CACNA1E: variants seen among roughly 807,000 people sequenced by gnomAD.
CACNA1E encodes the protein calcium voltage-gated channel subunit alpha1 E.
In CACNA1E, 40 loss-of-function variants were observed where a neutral mutation model predicts 259.2. The observed-to-expected ratio is 0.15, with a 90% CI of 0.12 to 0.20. The LOEUF is 0.20. Ranked by LOEUF, CACNA1E falls within the 10% of genes least tolerant of loss-of-function variation. The pLI is 1.00. For missense variants in CACNA1E, 1,874 were observed against 3,040.1 expected (o/e 0.62, Z 9.02); for synonymous variants, 1,104 against 1,138.5 (o/e 0.97, Z 0.61).
intron 5 of CACNA1E, among the ~76,000 whole-genome samples, 152 bp from the exon 6 acceptor site, chr1:181,580,443 A>G (rs537764186): frequency 6.6e-6 from 1 of 152,300 alleles, no homozygotes; most frequent in South Asian, 2.1e-4. Flanking sequence ...GGAGGTGCAG[A>G]GAGGCCAGGG....
At chr1:181,718,557 G>A (rs1383298471) in intron 12 of CACNA1E, among the ~76,000 whole-genome samples, 1 of 143,452 alleles carries the variant, frequency 7.0e-6, no homozygotes, top group African/African-American at 2.6e-5. Context: ...TTATATATTT[G>A]TTTTTCTACT....
chr1:181,544,477 G>T (rs1647244603), intron 3 of CACNA1E, among the ~76,000 whole-genome samples: 1 of 151,980 alleles, frequency 6.6e-6, no homozygotes, highest in Non-Finnish European at 1.5e-5. Context: ...CAATAAAGCT[G>T]CTATAAAAAT....
intron 1 of CACNA1E, among the ~76,000 whole-genome samples, chr1:181,364,200 C>T (rs1188857707): frequency 6.6e-6 from 1 of 152,228 alleles, no homozygotes; most frequent in Non-Finnish European, 1.5e-5. Context: ...TCAAAGCCTT[C>T]CCTGACTCTT....
At chr1:181,464,580 T>C (rs565638482) in intron 2 of CACNA1E, among the ~76,000 whole-genome samples, 46 of 151,934 alleles carry the variant, frequency 3.0e-4, no homozygotes, top group Admixed American at 1.9e-3. Flanking sequence ...TTTGTAGAAT[T>C]CTCTTACTAC....
intron 7 of CACNA1E, among the ~76,000 whole-genome samples, chr1:181,707,238 T>A (rs1379210428): frequency 4.6e-5 from 7 of 152,304 alleles, no homozygotes; most frequent in African/African-American, 1.7e-4. Context: ...CATCCTCCAT[T>A]AAGGTGCTGG....
intron 1 of CACNA1E, among the ~76,000 whole-genome samples, chr1:181,404,673 G>C (rs1261253313): frequency 6.6e-6 from 1 of 152,150 alleles, no homozygotes; most frequent in East Asian, 1.9e-4. Flanking sequence ...ATCAGCTCCT[G>C]AGTATCCAGA....
At chr1:181,444,406 G>A (rs1186287430) in intron 2 of CACNA1E, among the ~76,000 whole-genome samples, 1 of 152,050 alleles carries the variant, frequency 6.6e-6, no homozygotes, top group Non-Finnish European at 1.5e-5. Flanking sequence ...GAGGGTGTAA[G>A]GTACTGGAAC....
At chr1:181,436,018 G>C (rs961005134) in intron 2 of CACNA1E, among the ~76,000 whole-genome samples, 1 of 152,140 alleles carries the variant, frequency 6.6e-6, no homozygotes, top group African/African-American at 2.4e-5. Flanking sequence ...AACGACTTAA[G>C]AGCAAGAAAA....
intron 1 of CACNA1E, among the ~76,000 whole-genome samples, chr1:181,497,975 C>T (rs1033399295): frequency 6.6e-6 from 1 of 152,172 alleles, no homozygotes; most frequent in Non-Finnish European, 1.5e-5. Flanking sequence ...GTCTTTCCCC[C>T]GCCAAAACTC....
chr1:181,416,523 G>A (rs1369000802), intron 2 of CACNA1E, among the ~76,000 whole-genome samples: 1 of 152,082 alleles, frequency 6.6e-6, no homozygotes, highest in Non-Finnish European at 1.5e-5. Flanking sequence ...TACACTGTCT[G>A]GCACTCATGT....
intron 6 of CACNA1E, among the ~76,000 whole-genome samples, chr1:181,584,495 A>G (rs976836480): frequency 6.6e-6 from 1 of 152,218 alleles, no homozygotes; most frequent in Non-Finnish European, 1.5e-5. Flanking sequence ...TTTGGTCTAT[A>G]AACAATGACT....
chr1:181,489,805 A>T (rs1664157435), intron 1 of CACNA1E, among the ~76,000 whole-genome samples: 1 of 152,190 alleles, frequency 6.6e-6, no homozygotes, highest in African/African-American at 2.4e-5. Context: ...GGGACCAGGC[A>T]TGGAAATTAG....
Position 181,732,407 on chromosome 1 carries a change from A to G in CACNA1E, c.2321A>G (p.His774Arg). ...AGGAGGGAGCGGAGGCGCCGGCACC[A>G]CATGTCCGTGTGGGAGCAGCGTACC... is the stretch of plus-strand genomic sequence containing the variant. ...SHLRERRRRH[H>R]MSVWEQRTSQ... The change falls in exon 20 of 48, where the codon CAC becomes CGC. Residue 774 changes from histidine (H) to arginine (R), a missense_variant. His to Arg is a conservative substitution (Grantham distance 29). Transcript: ENST00000367573. This position sits in a 1 kb window ranked among gnomAD's most constrained non-coding sequence, Gnocchi z 5.5. 2 of 1,540,046 alleles carry G rather than the reference A, an allele frequency of 1.3e-6. No individual in the cohort carries two copies. The highest frequency in any genetic ancestry group is 1.8e-6 in the Non-Finnish European group (2 of 1,141,662).
chr1:181,666,165 T>C (rs575418836), intron 7 of CACNA1E, among the ~76,000 whole-genome samples: 14 of 152,326 alleles, frequency 9.2e-5, no homozygotes, highest in Admixed American at 3.9e-4. Flanking sequence ...TGCAGCCTGC[T>C]ATTCATGAGA....
At chr1:181,410,765 G>C (rs1232817378) in intron 1 of CACNA1E, among the ~76,000 whole-genome samples, 1 of 152,160 alleles carries the variant, frequency 6.6e-6, no homozygotes, top group African/African-American at 2.4e-5. Flanking sequence ...GTGTGATCCT[G>C]GGTGGGGCTC....
At chr1:181,327,698 A>G (rs2102584462) in intron 1 of CACNA1E, among the ~76,000 whole-genome samples, 1 of 152,338 alleles carries the variant, frequency 6.6e-6, no homozygotes, top group East Asian at 1.9e-4. Flanking sequence ...GGTTGGGAGA[A>G]TGAGGGCAGG....
chr1:181,703,795 C>T (rs1652515457), intron 7 of CACNA1E, among the ~76,000 whole-genome samples: 1 of 149,234 alleles, frequency 6.7e-6, no homozygotes, highest in Non-Finnish European at 1.5e-5. Context: ...CCTTAGTTTC[C>T]CTGCTTATGG....
At chr1:181,359,452 G>A (rs1653701285) in intron 1 of CACNA1E, among the ~76,000 whole-genome samples, 1 of 152,198 alleles carries the variant, frequency 6.6e-6, no homozygotes, top group Admixed American at 6.5e-5. Flanking sequence ...GTTTGAACAT[G>A]GCATGGATAT....
At chr1:181,442,401 A>G (rs150926217) in intron 2 of CACNA1E, among the ~76,000 whole-genome samples, 1 of 139,678 alleles carries the variant, frequency 7.2e-6, no homozygotes, top group Non-Finnish European at 1.5e-5. Context: ...GGTGTGGGGG[A>G]ACATGTGTGA....
Sources: gnomAD v4.1 joint callset for allele counts (sites outside exome capture counted in the v4.1 genomes callset) on GRCh38, gnomAD v4.1.1 for gene constraint, Gnocchi (gnomAD v3.1) non-coding constraint, MANE v1.5 for transcripts, NCBI Gene and HGNC (gene_info 2026-07-23, HGNC 2026-07-21) for gene names.